Variants in NALCN observed in about 807,000 individuals in gnomAD.
The protein encoded by NALCN is sodium leak channel, non-selective, also known as sodium leak channel NALCN.
Under a neutral mutation model 225.3 loss-of-function variants are expected in NALCN, and 111 were observed. The ratio of observed to expected loss-of-function variants is 0.49; its 90% CI spans 0.42 to 0.58. The LOEUF (loss-of-function observed/expected upper bound fraction) is 0.58. Among genes scored for constraint, NALCN ranks in the 20% least tolerant of loss-of-function variants. NALCN has a pLI of 0.00. For synonymous variants in NALCN, 764 were observed against 769.0 expected (o/e 0.99, Z 0.11); for missense variants, 1,378 against 2,202.4 (o/e 0.63, Z 7.49).
chr13:101,374,004 A>G (rs1177272648), intron 6 of NALCN, among the ~76,000 whole-genome samples: 1 of 152,110 alleles, frequency 6.6e-6, no homozygotes, highest in Non-Finnish European at 1.5e-5. Flanking sequence ...AGGGGAAAAT[A>G]ATAATATGTC....
intron 13 of NALCN, among the ~76,000 whole-genome samples, chr13:101,196,485 A>C (rs893877025): frequency 4.6e-5 from 7 of 152,174 alleles, no homozygotes; most frequent in Non-Finnish European, 8.8e-5. Context: ...TCCACTTTTA[A>C]CATTATTATC....
chr13:101,185,781 T>G (rs1360457833), intron 14 of NALCN, among the ~76,000 whole-genome samples: 1 of 152,244 alleles, frequency 6.6e-6, no homozygotes, highest in Non-Finnish European at 1.5e-5. Flanking sequence ...TTTTCGCTGC[T>G]TGGCACATGC....
intron 3 of NALCN, among the ~76,000 whole-genome samples, chr13:101,391,269 G>T (rs536303144): frequency 6.6e-6 from 1 of 151,962 alleles, no homozygotes; most frequent in Non-Finnish European, 1.5e-5. Flanking sequence ...TCAAACAGAG[G>T]AAAGAAAAGC....
chr13:101,312,356 T>C (rs1281676625), intron 7 of NALCN, among the ~76,000 whole-genome samples: 1 of 152,166 alleles, frequency 6.6e-6, no homozygotes, highest in Non-Finnish European at 1.5e-5. Flanking sequence ...GTGTCTCTAT[T>C]TCCTTCAGTT....
intron 13 of NALCN, among the ~76,000 whole-genome samples, chr13:101,219,685 G>A (rs1403447158): frequency 2.6e-5 from 4 of 152,138 alleles, no homozygotes; most frequent in Non-Finnish European, 5.9e-5. Context: ...CTATTCCAGA[G>A]GCCTTTCCTT....
intron 15 of NALCN, among the ~76,000 whole-genome samples, chr13:101,154,688 C>G (rs962623608): frequency 6.6e-6 from 1 of 152,150 alleles, no homozygotes; most frequent in Non-Finnish European, 1.5e-5. Flanking sequence ...GAGATGAGAA[C>G]AAGAAGGCAA....
At chr13:101,066,486 CT>C (rs2032402472) in intron 39 of NALCN, among the ~76,000 whole-genome samples, 1 of 150,536 alleles carries the variant, frequency 6.6e-6, no homozygotes, top group Non-Finnish European at 1.5e-5. Flanking sequence ...ACCATGCCCC[CT>C]GGCTGTATCT....
rs190605263 is a variant in NALCN at position 101,246,145 on chromosome 13, G to A, written c.1267-8223C>T. On this transcript the variant is annotated intron_variant, in intron 11 of 43. Transcript: ENST00000251127. ...TTTTGTCCAGTTCTTTATTCAAAAC[G>A]TCAAGAACCTGGACAACTTGCAGTC... Among the ~76,000 whole-genome samples, 33 of 152,118 alleles carry A rather than the reference G, an allele frequency of 2.2e-4. No homozygotes were observed. In the East Asian group the frequency reaches 5.8e-3, roughly 27 times the overall value.
chr13:101,409,104 A>T (rs1420476519), intron 1 of NALCN, among the ~76,000 whole-genome samples: 3 of 152,040 alleles, frequency 2.0e-5, no homozygotes, highest in Non-Finnish European at 2.9e-5. Flanking sequence ...CTGGCCTTTA[A>T]AGTGATTGGG....
chr13:101,305,324 T>C (rs2044119660), intron 7 of NALCN, among the ~76,000 whole-genome samples: 1 of 152,244 alleles, frequency 6.6e-6, no homozygotes, highest in African/African-American at 2.4e-5. Context: ...AAGTATCTCC[T>C]ATGATAGTTG....
At chr13:101,223,513 T>A (rs929946359) in intron 13 of NALCN, among the ~76,000 whole-genome samples, 1 of 152,194 alleles carries the variant, frequency 6.6e-6, no homozygotes, top group African/African-American at 2.4e-5. Flanking sequence ...TGCCTCTTTC[T>A]TTTCAATCTG....
chr13:101,206,454 T>G (rs1474654359), intron 13 of NALCN, among the ~76,000 whole-genome samples: 1 of 152,052 alleles, frequency 6.6e-6, no homozygotes, highest in East Asian at 1.9e-4. Context: ...TAATAAAATA[T>G]TTTACAAGTC....
At chr13:101,400,885 C>A (rs544343529) in intron 1 of NALCN, among the ~76,000 whole-genome samples, 1 of 152,198 alleles carries the variant, frequency 6.6e-6, no homozygotes, top group East Asian at 1.9e-4. Context: ...GGAGTGAGTT[C>A]TCACAAGATC....
intron 7 of NALCN, among the ~76,000 whole-genome samples, chr13:101,311,711 C>T (rs2044352816): frequency 6.6e-6 from 1 of 152,090 alleles, no homozygotes. Flanking sequence ...GGATGAAGCC[C>T]ACCTGATCAT....
Position 101,271,864 on chromosome 13 carries a change from CGT to C in NALCN, c.1134+12067_1134+12068del, listed in dbSNP as rs1178767590. ...ATTGTGAGGTGTGTGTGAGCATGCA[CGT>C]GTGTGTAGCCATATGCATGTGTGCA... On this transcript the variant is annotated intron_variant, in intron 10 of 43. Coordinates refer to ENST00000251127, the MANE Select transcript of NALCN (RefSeq NM_052867.4). Among the ~76,000 whole-genome samples the C allele has an allele frequency of 8.1e-5, 12 of 148,410 alleles. No homozygotes were observed. In the South Asian group the frequency reaches 1.3e-3, roughly 16 times the overall value.
chr13:101,259,708 A>G (rs2042353588), intron 10 of NALCN, among the ~76,000 whole-genome samples: 1 of 145,046 alleles, frequency 6.9e-6, no homozygotes, highest in South Asian at 2.2e-4. Context: ...TCACATTAAA[A>G]ATATTTGTGG....
rs1315777682 is a variant in NALCN, at chr13:101,067,946, A to G, written c.4418T>C (p.Ile1473Thr). The change falls in exon 39 of 44, where the codon ATA becomes ACA. Residue 1473 changes from isoleucine (I) to threonine (T), a missense_variant. Transcript: ENST00000251127. ...TCTTTTATCATCCACCATGTTCCAT[A>G]TTATTTGAAAGTGGCGAAGATCATT... is the stretch of plus-strand genomic sequence containing the variant. ...SYNDLRHFQI[I>T]WNMVDDKREG... 1 of 1,612,658 alleles carries G rather than the reference A, an allele frequency of 6.2e-7. No individual in the cohort carries two copies.
At chr13:101,376,856 A>G in intron 5 of NALCN, 28 bp from the exon 6 acceptor site, 7 of 1,613,006 alleles carry the variant, frequency 4.3e-6, no homozygotes, top group Non-Finnish European at 5.9e-6. Context: ...GGTAAAGTAC[A>G]TAAAACTTAC....
chr13:101,238,015 C>A, intron 11 of NALCN, 93 bp from the exon 12 acceptor site: 1 of 1,120,216 alleles, frequency 8.9e-7, no homozygotes, highest in Non-Finnish European at 1.3e-6. Flanking sequence ...ATTTTTGCCA[C>A]TATCATATAC....
Sources: allele counts gnomAD v4.1 joint callset (sites outside exome capture counted in the v4.1 genomes callset), GRCh38; gene constraint gnomAD v4.1.1; transcripts MANE v1.5; gene names NCBI Gene and HGNC (gene_info 2026-07-23, HGNC 2026-07-21).